The following RANGAP1 variants were observed in gnomAD, a reference collection of about 807,000 sequenced individuals.
RANGAP1 encodes the protein ran GTPase-activating protein 1.
RANGAP1 carries 38 observed loss-of-function variants against 63.5 expected under a neutral mutation model. The observed-to-expected ratio is 0.60, with a 90% CI of 0.46 to 0.78. RANGAP1 has a LOEUF of 0.78. RANGAP1 is among the 30% of genes least tolerant of loss of function. RANGAP1 has a pLI of 0.00. For synonymous variants in RANGAP1, 329 were observed against 310.5 expected (o/e 1.06, Z -0.63); for missense variants, 630 against 740.3 (o/e 0.85, Z 1.73).
chr22:41,284,368 G>C (rs761720003), intron 1 of RANGAP1, among the ~76,000 whole-genome samples: 2 of 151,602 alleles, frequency 1.3e-5, no homozygotes, highest in Non-Finnish European at 2.9e-5. Context: ...GGGAGTTCGA[G>C]ACCACCCTGG....
intron 11 of RANGAP1, among the ~76,000 whole-genome samples, chr22:41,253,370 A>C (rs2033606534): frequency 6.6e-6 from 1 of 152,222 alleles, no homozygotes; most frequent in Admixed American, 6.5e-5. Context: ...CTAGCACCAG[A>C]GGTGCCCAGA....
chr22:41,292,482 C>T, the RANGAP1 span, among the ~76,000 whole-genome samples: 1 of 149,482 alleles, frequency 6.7e-6, no homozygotes, highest in Non-Finnish European at 1.5e-5. Flanking sequence ...CTCTTGTGGC[C>T]GGGTGCAATG....
chr22:41,285,579 C>T, intron 1 of RANGAP1: 1 of 985,472 alleles, frequency 1.0e-6, no homozygotes, highest in South Asian at 4.7e-5. Flanking sequence ...GCCCGGGGCC[C>T]CCGCGGGCGT....
chr22:41,260,235 T>A (rs2034084660), intron 6 of RANGAP1, among the ~76,000 whole-genome samples: 1 of 152,136 alleles, frequency 6.6e-6, no homozygotes, highest in Non-Finnish European at 1.5e-5. Context: ...GAACCCCCAT[T>A]CTAAGCCCAC....
intron 4 of RANGAP1, among the ~76,000 whole-genome samples, chr22:41,265,602 G>T (rs904247390): frequency 1.3e-5 from 2 of 152,172 alleles, no homozygotes; most frequent in African/African-American, 4.8e-5. Context: ...GATGGAGGTG[G>T]CCATCTCTAA....
At chr22:41,254,791 T>C (rs1177991522) in intron 10 of RANGAP1, 1 of 291,006 alleles carries the variant, frequency 3.4e-6, no homozygotes, top group Non-Finnish European at 5.1e-6. Context: ...GCTAACGTGG[T>C]GAAACCCCGT....
chr22:41,294,741 G>A, the RANGAP1 span, among the ~76,000 whole-genome samples: 5 of 136,182 alleles, frequency 3.7e-5, no homozygotes, highest in South Asian at 5.0e-4. Flanking sequence ...CTGCCCGGCC[G>A]CCCCATCTGA....
intron 10 of RANGAP1, among the ~76,000 whole-genome samples, chr22:41,255,625 G>T (rs918044652): frequency 6.7e-6 from 1 of 149,604 alleles, no homozygotes. Context: ...CACTCTACAG[G>T]GTGGCCCCGC....
chr22:41,246,867 C>T (rs559876126), intron 15 of RANGAP1, among the ~76,000 whole-genome samples, 195 bp from the exon 16 acceptor site: 6 of 152,300 alleles, frequency 3.9e-5, no homozygotes, highest in Admixed American at 6.5e-5. Flanking sequence ...AGGCACCCAA[C>T]GCCACACAGC....
intron 6 of RANGAP1, among the ~76,000 whole-genome samples, chr22:41,259,427 G>GT (rs1038314361): frequency 7.9e-5 from 12 of 151,998 alleles, no homozygotes; most frequent in Non-Finnish European, 1.2e-4. Context: ...CTCAAAAAAT[G>GT]TTTTTTTAAA....
chr22:41,272,829 T>C (rs1017089746), intron 3 of RANGAP1, among the ~76,000 whole-genome samples: 4 of 152,002 alleles, frequency 2.6e-5, no homozygotes, highest in Non-Finnish European at 5.9e-5. Context: ...TTTTCTTTTT[T>C]TGAGACAGGG....
chr22:41,263,689 G>A (rs752091746), intron 5 of RANGAP1, among the ~76,000 whole-genome samples: 25 of 152,192 alleles, frequency 1.6e-4, no homozygotes, highest in South Asian at 2.1e-4. Context: ...CACCGTGCCC[G>A]GCCCATTTTT....
chr22:41,297,621 G>T, the RANGAP1 span, among the ~76,000 whole-genome samples: 4 of 146,128 alleles, frequency 2.7e-5, no homozygotes, highest in East Asian at 8.0e-4. Flanking sequence ...AGGATCCTCC[G>T]CTTTGAGGAT....
At chr22:41,270,683 A>C (rs1228139591) in intron 3 of RANGAP1, among the ~76,000 whole-genome samples, 2 of 152,194 alleles carry the variant, frequency 1.3e-5, no homozygotes, top group African/African-American at 4.8e-5. Flanking sequence ...TCCTGGGATC[A>C]CGTGATCTGC....
intron 4 of RANGAP1, among the ~76,000 whole-genome samples, chr22:41,266,897 T>C (rs2034511835): frequency 6.6e-6 from 1 of 151,074 alleles, no homozygotes; most frequent in South Asian, 2.1e-4. Flanking sequence ...CCTTTTTTTT[T>C]TGAGACGGAG....
intron 4 of RANGAP1, among the ~76,000 whole-genome samples, chr22:41,265,928 T>C (rs543444859): frequency 1.5e-3 from 228 of 150,704 alleles, no homozygotes; most frequent in African/African-American, 2.8e-3. Flanking sequence ...GGTGGCTGGG[T>C]GCGGTGGCTC....
intron 2 of RANGAP1, among the ~76,000 whole-genome samples, chr22:41,280,313 A>G (rs996123307): frequency 5.3e-5 from 8 of 152,198 alleles, no homozygotes; most frequent in African/African-American, 1.9e-4. Context: ...CACTTGATGC[A>G]GGTGCCTTCA....
chr22:41,260,029 G>A (rs1296049411), intron 6 of RANGAP1, among the ~76,000 whole-genome samples: 1 of 151,378 alleles, frequency 6.6e-6, no homozygotes, highest in Non-Finnish European at 1.5e-5. Context: ...TTTTTTTTGG[G>A]TTCAGGGACT....
intron 5 of RANGAP1, among the ~76,000 whole-genome samples, chr22:41,263,394 G>GTTTT (rs966564862): frequency 6.6e-6 from 1 of 152,018 alleles, no homozygotes; most frequent in African/African-American, 2.4e-5. Flanking sequence ...TTGTTTGTTT[G>GTTTT]TTTTTTTGAG....
Sources: allele counts gnomAD v4.1 joint callset (sites outside exome capture counted in the v4.1 genomes callset), GRCh38; gene constraint gnomAD v4.1.1; transcripts MANE v1.5; gene names NCBI Gene and HGNC (gene_info 2026-07-23, HGNC 2026-07-21).